The following CDKN2B-AS1 variants were observed in gnomAD, a reference collection of about 807,000 sequenced individuals.
CDKN2B-AS1 encodes the protein CDKN2B antisense RNA 1 (non-protein coding).
intron 4 of CDKN2B-AS1, among the ~76,000 whole-genome samples, chr9:22,072,066 A>G (rs943473590): frequency 1.1e-4 from 16 of 152,168 alleles, no homozygotes; most frequent in African/African-American, 2.9e-4. Context: ...TGGATTAAGA[A>G]CTAAATATGC....
chr9:22,100,267 A>C (rs1383774015), intron 4 of CDKN2B-AS1, among the ~76,000 whole-genome samples: 1 of 152,156 alleles, frequency 6.6e-6, no homozygotes, highest in Non-Finnish European at 1.5e-5. Context: ...GTTATAGCAC[A>C]TTTTTATCAT....
Position 22,005,794 on chromosome 9 carries a change from C to T in CDKN2B-AS1, n.29+10633C>T. 1.4e-6 allele frequency: 1 copy of T among 690,776 alleles called. No homozygotes were observed. The highest frequency in any genetic ancestry group is 2.5e-6 in the Non-Finnish European group (1 of 406,712). The allele number at this position is 690,776 out of a possible 1,614,324, so 42.8% of individuals were successfully genotyped here. ...TCGCTTCATGGTGAGTGTCGAGGGC[C>T]AGATAAGACAAAGAAAAAAATGTAT... On this transcript the variant is annotated intron_variant and non_coding_transcript_variant, in intron 1 of 4. Coordinates refer to ENST00000650946, the Ensembl canonical transcript of CDKN2B-AS1. The surrounding 1 kb of genome is among the most constrained non-coding windows in gnomAD (Gnocchi z 4.9).
At chr9:22,074,356 C>T (rs1824412480) in intron 4 of CDKN2B-AS1, among the ~76,000 whole-genome samples, 2 of 151,986 alleles carry the variant, frequency 1.3e-5, no homozygotes, top group African/African-American at 4.8e-5. Context: ...AAAAGTCAAG[C>T]CCAATTTATT....
chr9:22,025,741 G>A (rs986206932), intron 1 of CDKN2B-AS1, among the ~76,000 whole-genome samples: 8 of 152,106 alleles, frequency 5.3e-5, no homozygotes, highest in Admixed American at 1.3e-4. Flanking sequence ...TTGCTGGCCC[G>A]AACACACTGG....
intron 4 of CDKN2B-AS1, among the ~76,000 whole-genome samples, chr9:22,106,941 C>A (rs1364416914): frequency 3.3e-5 from 5 of 152,132 alleles, no homozygotes; most frequent in Non-Finnish European, 5.9e-5. Flanking sequence ...CCAAGTTGAT[C>A]AGTAGCAAAG....
At chr9:22,065,323 T>A (rs1166099071) in intron 4 of CDKN2B-AS1, among the ~76,000 whole-genome samples, 1 of 152,218 alleles carries the variant, frequency 6.6e-6, no homozygotes, top group East Asian at 1.9e-4. Flanking sequence ...TGGACTGACA[T>A]GCCCTAAGCA....
rs990457461 is a variant in CDKN2B-AS1 at position 22,111,077 on chromosome 9, T to G, written n.439-16026T>G. Among the ~76,000 whole-genome samples, 4 of 152,192 alleles carry G rather than the reference T, an allele frequency of 2.6e-5. No individual in the cohort carries two copies. The South Asian group carries it at 8.3e-4, about 31-fold the overall frequency. ...TTGCTACAATTTATTCTACCATTGT[T>G]GGATATTTGAGTTGTTCCCATTTTA... On this transcript the variant is annotated intron_variant and non_coding_transcript_variant, in intron 4 of 4. Transcript: ENST00000650946.
chr9:22,053,485 G>C (rs894063092), intron 3 of CDKN2B-AS1, among the ~76,000 whole-genome samples: 13 of 152,178 alleles, frequency 8.5e-5, no homozygotes, highest in African/African-American at 3.1e-4. Flanking sequence ...ATAATTCCCA[G>C]TGATCATTAG....
Position 22,005,973 on chromosome 9 carries a change from TG to T in CDKN2B-AS1, n.29+10816del. 6.2e-7 allele frequency: 1 copy of T among 1,600,420 alleles called. No homozygotes were observed. The highest frequency in any genetic ancestry group is 8.5e-7 in the Non-Finnish European group (1 of 1,179,706). On this transcript the variant is annotated intron_variant and non_coding_transcript_variant, in intron 1 of 4. Transcript: ENST00000650946. This position sits in a 1 kb window ranked among gnomAD's most constrained non-coding sequence, Gnocchi z 4.9. ...AGAAAATAAAGTCGTTGTGGGCGGC[TG>T]GGGAACCTGGCGTCAGTCCCCCGTG...
At chr9:22,056,247 T>TTTTTTTTTTTTTTTTTTTTTC (rs397743274) in intron 3 of CDKN2B-AS1, 5 of 132,678 alleles carry the variant, frequency 3.8e-5, no homozygotes, top group Admixed American at 7.5e-5. Context: ...TTTTTTTTTT[T>TTTTTTTTTTTTTTTTTTTTTC]CCAGTAGAGA....
chr9:22,091,846 C>T (rs1563975943), intron 4 of CDKN2B-AS1, among the ~76,000 whole-genome samples: 1 of 152,204 alleles, frequency 6.6e-6, no homozygotes, highest in African/African-American at 2.4e-5. Flanking sequence ...GTGGCCAGAA[C>T]TTCCAACACT....
At chr9:22,085,281 G>C (rs958518362) in intron 4 of CDKN2B-AS1, among the ~76,000 whole-genome samples, 3 of 152,062 alleles carry the variant, frequency 2.0e-5, no homozygotes, top group South Asian at 4.1e-4. Flanking sequence ...CACCTAACTG[G>C]GAAAAAGCAA....
At chr9:22,044,604 G>T (rs531280987) in intron 1 of CDKN2B-AS1, among the ~76,000 whole-genome samples, 6 of 152,062 alleles carry the variant, frequency 3.9e-5, no homozygotes, top group African/African-American at 1.2e-4. Flanking sequence ...TCCAGAACCT[G>T]GTTTTTACCT....
chr9:22,105,586 A>G (rs1297190953), intron 4 of CDKN2B-AS1, among the ~76,000 whole-genome samples: 1 of 149,682 alleles, frequency 6.7e-6, no homozygotes, highest in African/African-American at 2.4e-5. Flanking sequence ...ATGTCTGAAA[A>G]GAGAGACTCA....
At chr9:22,071,291 T>C (rs1035130727) in intron 4 of CDKN2B-AS1, among the ~76,000 whole-genome samples, 2 of 22,236 alleles carry the variant, frequency 9.0e-5, no homozygotes, top group African/African-American at 2.5e-4. Context: ...CTAGCTTTTT[T>C]TTTTTTTTTT....
chr9:22,062,419 T>C (rs1209933071), intron 4 of CDKN2B-AS1, among the ~76,000 whole-genome samples: 2 of 152,166 alleles, frequency 1.3e-5, no homozygotes, highest in African/African-American at 4.8e-5. Context: ...GAGGTATAGT[T>C]TGTGTTTTAT....
At chr9:22,116,290 T>A (rs1825948507) in intron 4 of CDKN2B-AS1, among the ~76,000 whole-genome samples, 1 of 152,194 alleles carries the variant, frequency 6.6e-6, no homozygotes, top group South Asian at 2.1e-4. Flanking sequence ...GGTATGGAGA[T>A]GAGCCAGGGT....
chr9:22,029,363 G>A (rs1026816349), intron 1 of CDKN2B-AS1: 3 of 764,278 alleles, frequency 3.9e-6, no homozygotes, highest in Admixed American at 3.4e-5. Context: ...ATTCCTGATG[G>A]AATGTTTAGT....
intron 1 of CDKN2B-AS1, among the ~76,000 whole-genome samples, chr9:22,022,608 G>A (rs555808547): frequency 6.6e-6 from 1 of 152,104 alleles, no homozygotes; most frequent in East Asian, 1.9e-4. Context: ...TTGGCTTGCC[G>A]CTCTGTCTTC....
Sources: gnomAD v4.1 joint callset for allele counts (sites outside exome capture counted in the v4.1 genomes callset) on GRCh38, gnomAD v4.1.1 for gene constraint, Gnocchi (gnomAD v3.1) non-coding constraint, MANE v1.5 for transcripts, NCBI Gene and HGNC (gene_info 2026-07-23, HGNC 2026-07-21) for gene names.